Variants in PLEKHH1 observed in about 807,000 individuals in gnomAD.
PLEKHH1 encodes the protein pleckstrin homology, MyTH4 and FERM domain containing H1.
In PLEKHH1, 104 loss-of-function variants were observed where a neutral mutation model predicts 160.0. The observed-to-expected ratio is 0.65, with a 90% CI of 0.55 to 0.76. The LOEUF is 0.76. Among genes scored for constraint, PLEKHH1 ranks in the 30% least tolerant of loss-of-function variants. PLEKHH1 has a pLI of 0.00. For synonymous variants in PLEKHH1, 619 were observed against 678.4 expected, an observed-to-expected ratio of 0.91 and a Z score of 1.36; for missense variants, 1,427 against 1,724.1, an observed-to-expected ratio of 0.83 and a Z score of 3.05.
rs577264041 is a variant in PLEKHH1, at chr14:67,578,844, C to T, written c.2849+213C>T. On this transcript the variant is annotated intron_variant, in intron 20 of 28. Coordinates refer to ENST00000329153, the MANE Select transcript of PLEKHH1 (RefSeq NM_020715.3). The surrounding 1 kb of genome is among the most constrained non-coding windows in gnomAD (Gnocchi z 5.0). The stretch of plus-strand genomic sequence containing the variant: ...CTCTGCACGCCAATCCATGTATCCA[C>T]GGATGTACTGTGGCAACTCTCACAT... 1.3e-5 allele frequency among the ~76,000 whole-genome samples: 2 copies of T among 152,326 alleles called. No homozygotes were observed. Among genetic ancestry groups the T allele is most frequent in the Admixed American group, 6.5e-5 (1 of 15,304 alleles).
At chr14:67,565,734 G>T (rs2035058742) in intron 7 of PLEKHH1, among the ~76,000 whole-genome samples, 1 of 152,206 alleles carries the variant, frequency 6.6e-6, no homozygotes, top group Admixed American at 6.5e-5. Flanking sequence ...GAGGTCACTT[G>T]GGAGAGGGGG....
chr14:67,537,380 A>AAT (rs2033778389), intron 1 of PLEKHH1, among the ~76,000 whole-genome samples: 1 of 96,626 alleles, frequency 1.0e-5, no homozygotes, highest in Non-Finnish European at 2.1e-5. Flanking sequence ...TAATAATAAT[A>AAT]AAAACTTAAT....
chr14:67,549,194 G>A (rs890190326), intron 2 of PLEKHH1, among the ~76,000 whole-genome samples: 1 of 152,064 alleles, frequency 6.6e-6, no homozygotes, highest in Non-Finnish European at 1.5e-5. Flanking sequence ...GATCTGATTT[G>A]TTTTGGGAGA....
At chr14:67,552,437 T>C (rs1034468605) in intron 2 of PLEKHH1, among the ~76,000 whole-genome samples, 7 of 152,176 alleles carry the variant, frequency 4.6e-5, no homozygotes, top group Admixed American at 1.3e-4. Flanking sequence ...AAAGTGAATA[T>C]GAAATGCTTT....
At chr14:67,569,468 C>T (rs756229597) in intron 8 of PLEKHH1, among the ~76,000 whole-genome samples, 1 of 152,350 alleles carries the variant, frequency 6.6e-6, no homozygotes, top group South Asian at 2.1e-4. Flanking sequence ...AGGGGGCCTC[C>T]AGCCCAGCCT....
At chr14:67,572,058 C>G in intron 10 of PLEKHH1, 77 bp from the exon 11 acceptor site, 1 of 1,519,322 alleles carries the variant, frequency 6.6e-7, no homozygotes, top group Non-Finnish European at 8.9e-7. Flanking sequence ...GGTGGGTGGT[C>G]AAGTCTCAGC....
chr14:67,575,545 G>A (rs748808301), intron 15 of PLEKHH1, 73 bp downstream of exon 15: 8 of 943,296 alleles, frequency 8.5e-6, no homozygotes, highest in South Asian at 7.0e-5. Flanking sequence ...TCTATGTCCT[G>A]ATGAAAGTCC....
Position 67,578,509 on chromosome 14 carries a change from C to T in PLEKHH1, c.2752-25C>T, listed in dbSNP as rs1386337014. On this transcript the variant is annotated intron_variant, in intron 19 of 28. Transcript: ENST00000329153. The surrounding 1 kb of genome is among the most constrained non-coding windows in gnomAD (Gnocchi z 5.0). ...GTGGTGCTGTAGGCCCAGCACTCAC[C>T]CCACGCTGTCTGTGTCCCTGGCAGT... The T allele has an allele frequency of 6.5e-7, 1 of 1,529,978 alleles. No homozygotes were observed. 94.8% of individuals were successfully genotyped at this position (1,529,978 alleles called of 1,614,324 possible). A position where few individuals can be genotyped will look rare whatever the true frequency, so the allele number is the denominator to read the frequency against.
rs2035954875 is a variant in PLEKHH1 at position 67,582,601 on chromosome 14, C to G, written c.3426+391C>G. Among the ~76,000 whole-genome samples, 1 of 152,122 alleles carries G rather than the reference C, an allele frequency of 6.6e-6. No individual in the cohort carries two copies. Among genetic ancestry groups the G allele is most frequent in the South Asian group, 2.1e-4 (1 of 4,824 alleles). Reference sequence around the variant, plus strand: ...TGCGAGGCCGAGGCGGGCAGATCACCTGAGGCCAGGAGTTCGTGACCAGCC... The same window carrying G: ...TGCGAGGCCGAGGCGGGCAGATCACGTGAGGCCAGGAGTTCGTGACCAGCC... On this transcript the variant is annotated intron_variant, in intron 24 of 28. Transcript: ENST00000329153. This position sits in a 1 kb window ranked among gnomAD's most constrained non-coding sequence, Gnocchi z 5.0.
intron 23 of PLEKHH1, among the ~76,000 whole-genome samples, chr14:67,581,305 T>A (rs2035887688): frequency 6.7e-6 from 1 of 149,682 alleles, no homozygotes. Context: ...CACACAAACA[T>A]CTGCCAAGAA....
intron 11 of PLEKHH1, among the ~76,000 whole-genome samples, chr14:67,572,950 C>T (rs933673069): frequency 2.6e-5 from 4 of 152,296 alleles, no homozygotes; most frequent in Admixed American, 2.0e-4. Context: ...ACTATCCTAA[C>T]AAGGCCAGCT....
At chr14:67,564,335 A>G (rs10140512) in intron 7 of PLEKHH1, among the ~76,000 whole-genome samples, 134,007 of 152,186 alleles carry the variant, frequency 0.88, 59,549 homozygotes, top group Non-Finnish European at 0.95. Context: ...ATGTCTTGAT[A>G]TCTGTCTGGT....
At chr14:67,540,291 T>C (rs11158682) in intron 1 of PLEKHH1, among the ~76,000 whole-genome samples, 94,669 of 151,932 alleles carry the variant, frequency 0.62, 29,733 homozygotes, top group Non-Finnish European at 0.66. Context: ...TATTATATTA[T>C]TTCACCTGTA....
chr14:67,587,387 C>A lies in PLEKHH1; in HGVS notation c.*152C>A. 1.2e-6 allele frequency: 1 copy of A among 816,034 alleles called. No individual in the cohort carries two copies. The highest frequency in any genetic ancestry group is 1.5e-5 in the South Asian group (1 of 64,656). The allele number at this position is 816,034 out of a possible 1,614,324, so 50.5% of individuals were successfully genotyped here. A position where few individuals can be genotyped will look rare whatever the true frequency, so the allele number is the denominator to read the frequency against. ...TTTTAGTCTCTGTGAAGCCTTTACT[C>A]TCTAGGTGCCTTATAATGTTTCAGG... On this transcript the variant is annotated 3_prime_UTR_variant, in exon 29 of 29. Transcript: ENST00000329153.
chr14:67,586,876 C>CA, intron 28 of PLEKHH1, 198 bp from the exon 29 acceptor site: 1 of 1,521,252 alleles, frequency 6.6e-7, no homozygotes, highest in African/African-American at 1.4e-5. Context: ...AGAGGATCTC[C>CA]AGACCAACAG....
intron 28 of PLEKHH1, chr14:67,586,383 G>C (rs1444917754): frequency 7.3e-7 from 1 of 1,372,712 alleles, no homozygotes; most frequent in East Asian, 3.9e-5. Flanking sequence ...GCATCATGCA[G>C]TCCTCAGTTG....
chr14:67,575,743 A>T, intron 15 of PLEKHH1, 80 bp from the exon 16 acceptor site: 1 of 1,056,824 alleles, frequency 9.5e-7, no homozygotes, highest in Non-Finnish European at 1.4e-6. Context: ...TCCCAGCTTC[A>T]CGGAGCCTAT....
chr14:67,583,462 C>T (rs1479673799), intron 24 of PLEKHH1, among the ~76,000 whole-genome samples: 1 of 152,174 alleles, frequency 6.6e-6, no homozygotes, highest in African/African-American at 2.4e-5. Flanking sequence ...CATTGTTTTC[C>T]CTTGTCGGCT....
chr14:67,552,139 T>A (rs17836795), intron 2 of PLEKHH1, among the ~76,000 whole-genome samples: 44,789 of 152,050 alleles, frequency 0.29, 7,001 homozygotes, highest in East Asian at 0.48. Flanking sequence ...GCAGCTTATG[T>A]GTCTTATGTG....
Sources: allele counts gnomAD v4.1 joint callset (sites outside exome capture counted in the v4.1 genomes callset), GRCh38; gene constraint gnomAD v4.1.1; non-coding constraint Gnocchi (gnomAD v3.1); transcripts MANE v1.5; gene names NCBI Gene and HGNC (gene_info 2026-07-23, HGNC 2026-07-21).